IL1RAPL1: variants seen among roughly 807,000 people sequenced by gnomAD.
The protein encoded by IL1RAPL1 is interleukin 1 receptor accessory protein like 1, also known as interleukin-1 receptor accessory protein-like 1.
IL1RAPL1 carries 3 observed loss-of-function variants against 48.4 expected under a neutral mutation model. The observed-to-expected ratio is 0.06, with a 90% CI of 0.03 to 0.16. The LOEUF is 0.16. Among genes scored for constraint, IL1RAPL1 ranks in the 10% least tolerant of loss-of-function variants. The probability of loss-of-function intolerance (pLI) is 1.00; values close to 1 mark genes in which losing one functional copy is unlikely to be tolerated. For missense variants in IL1RAPL1, 349 were observed against 530.6 expected, an observed-to-expected ratio of 0.66 and a Z score of 3.36; for synonymous variants, 185 against 187.7, an observed-to-expected ratio of 0.99 and a Z score of 0.12.
chrX:29,284,499 T>C (rs777134829), intron 3 of IL1RAPL1, among the ~76,000 whole-genome samples: 3 of 112,159 alleles, frequency 2.7e-5, no homozygotes, highest in South Asian at 7.4e-4. Flanking sequence ...TCCCAGAACT[T>C]TGGGAGGCCG....
chrX:29,232,891 T>A (rs1056649017), intron 2 of IL1RAPL1, among the ~76,000 whole-genome samples: 1 of 110,686 alleles, frequency 9.0e-6, no homozygotes, highest in Non-Finnish European at 1.9e-5. Flanking sequence ...CTCCACCTCC[T>A]GGGTTCAAGT....
chrX:29,668,608 T>A, intron 6 of IL1RAPL1, 104 bp downstream of exon 6: 1 of 617,288 alleles, frequency 1.6e-6, no homozygotes, highest in Non-Finnish European at 2.7e-6. Context: ...TAAATCCATT[T>A]GTATTCATAG....
At chrX:29,008,835 CA>C (rs1468321797) in intron 2 of IL1RAPL1, among the ~76,000 whole-genome samples, 1 of 110,864 alleles carries the variant, frequency 9.0e-6, no homozygotes, top group African/African-American at 3.3e-5. Context: ...CCTCCCCCCA[CA>C]ATAGTCCCCA....
rs748976228 is a variant in IL1RAPL1 at position 28,661,888 on chromosome X, A to G, written c.-25+73841A>G. Reference sequence around the variant, plus strand: ...ATCTGCTTCATGTTTAAATTAAATTATGCTACGTGCTTGTCCCTGCATAAG... The same window carrying G: ...ATCTGCTTCATGTTTAAATTAAATTGTGCTACGTGCTTGTCCCTGCATAAG... On this transcript the variant is annotated intron_variant, in intron 1 of 10. Transcript: ENST00000378993. 2.7e-5 allele frequency among the ~76,000 whole-genome samples: 3 copies of G among 111,746 alleles called. No individual in the cohort carries two copies. In the South Asian group the frequency reaches 1.1e-3, roughly 42 times the overall value.
intron 1 of IL1RAPL1, among the ~76,000 whole-genome samples, chrX:28,634,405 G>A (rs769597852): frequency 5.1e-4 from 55 of 108,110 alleles, no homozygotes; most frequent in African/African-American, 1.7e-3. Context: ...ACGTATACAC[G>A]TATGTATACA....
chrX:29,664,645 A>C (rs149328495), intron 5 of IL1RAPL1, among the ~76,000 whole-genome samples: 13,537 of 111,110 alleles, frequency 0.12, 780 homozygotes, highest in Middle Eastern at 0.22. Context: ...CACGTTAAGA[A>C]CTTTAAAAAG....
At chrX:29,676,394 C>CT (rs1379136863) in intron 6 of IL1RAPL1, among the ~76,000 whole-genome samples, 1 of 111,773 alleles carries the variant, frequency 8.9e-6, no homozygotes, top group East Asian at 2.8e-4. Context: ...CAGTATCATA[C>CT]TATGGCAGCA....
At chrX:29,004,780 G>A (rs1278632498) in intron 2 of IL1RAPL1, among the ~76,000 whole-genome samples, 4 of 111,540 alleles carry the variant, frequency 3.6e-5, no homozygotes, top group Admixed American at 9.5e-5. Context: ...AGGACCACTT[G>A]AGCCCCGGAG....
intron 6 of IL1RAPL1, among the ~76,000 whole-genome samples, chrX:29,725,426 TG>T (rs1188419494): frequency 8.9e-6 from 1 of 111,775 alleles, no homozygotes; most frequent in Non-Finnish European, 1.9e-5. Context: ...CCTTGTTTTC[TG>T]AGATAATATC....
chrX:29,806,894 GTGTGTGGC>G (rs1569175500), intron 6 of IL1RAPL1, among the ~76,000 whole-genome samples: 8 of 110,368 alleles, frequency 7.2e-5, no homozygotes, highest in Middle Eastern at 4.7e-3. Context: ...TTGTTTACAA[GTGTGTGGC>G]ACCTCCTCCT....
At chrX:28,730,022 G>A (rs1280057614) in intron 1 of IL1RAPL1, among the ~76,000 whole-genome samples, 2 of 111,666 alleles carry the variant, frequency 1.8e-5, no homozygotes, top group African/African-American at 6.5e-5. Context: ...ATTATCTTAT[G>A]ATAGTTTCTA....
chrX:28,710,046 A>C (rs908655457), intron 1 of IL1RAPL1, among the ~76,000 whole-genome samples: 3 of 111,542 alleles, frequency 2.7e-5, no homozygotes, highest in Non-Finnish European at 5.6e-5. Flanking sequence ...TTTATTGTAC[A>C]GTGGAACAAA....
At chrX:28,704,831 C>CAAAAA (rs1179973377) in intron 1 of IL1RAPL1, among the ~76,000 whole-genome samples, 451 of 29,644 alleles carry the variant, frequency 0.015, 20 homozygotes, top group Non-Finnish European at 0.02. Context: ...CACACACACA[C>CAAAAA]AAAAAAAAAA....
At chrX:29,633,096 T>G (rs1334394279) in intron 5 of IL1RAPL1, among the ~76,000 whole-genome samples, 1 of 111,405 alleles carries the variant, frequency 9.0e-6, no homozygotes, top group African/African-American at 3.3e-5. Flanking sequence ...GCCAAAATTT[T>G]TAACTACCTA....
intron 6 of IL1RAPL1, among the ~76,000 whole-genome samples, chrX:29,846,767 T>TAC (rs1931255300): frequency 2.2e-5 from 2 of 90,096 alleles, no homozygotes; most frequent in African/African-American, 8.6e-5. Flanking sequence ...TATATATATA[T>TAC]ACATATATAT....
intron 1 of IL1RAPL1, among the ~76,000 whole-genome samples, chrX:28,668,312 G>A (rs1386998999): frequency 1.8e-5 from 2 of 111,389 alleles, no homozygotes; most frequent in Non-Finnish European, 3.8e-5. Context: ...AGGCTGGAGT[G>A]CAATGGCGTG....
chrX:28,980,562 T>C (rs1008421167), intron 2 of IL1RAPL1, among the ~76,000 whole-genome samples: 6 of 112,123 alleles, frequency 5.4e-5, no homozygotes, highest in African/African-American at 1.9e-4. Context: ...TGCCACATTG[T>C]CCATTTATGA....
intron 1 of IL1RAPL1, among the ~76,000 whole-genome samples, chrX:28,694,351 T>A (rs1448809605): frequency 8.9e-6 from 1 of 112,236 alleles, no homozygotes; most frequent in Non-Finnish European, 1.9e-5. Flanking sequence ...TTTCGTAAAT[T>A]AACCATCATT....
chrX:28,720,091 A>C (rs1935551792), intron 1 of IL1RAPL1, among the ~76,000 whole-genome samples: 1 of 111,531 alleles, frequency 9.0e-6, no homozygotes, highest in Non-Finnish European at 1.9e-5. Flanking sequence ...CAAATTCTTG[A>C]AATATATTCA....
Sources: gnomAD v4.1 joint callset for allele counts (sites outside exome capture counted in the v4.1 genomes callset) on GRCh38, gnomAD v4.1.1 for gene constraint, MANE v1.5 for transcripts, NCBI Gene and HGNC (gene_info 2026-07-23, HGNC 2026-07-21) for gene names.